The following SLC36A1 variants were observed in gnomAD, a reference collection of about 807,000 sequenced individuals.
The protein encoded by SLC36A1 is proton-coupled amino acid transporter 1.
A neutral mutation model predicts 47.5 loss-of-function variants in SLC36A1; 30 were observed. The observed-to-expected ratio is 0.63, with a 90% CI of 0.47 to 0.86. The LOEUF (loss-of-function observed/expected upper bound fraction) is 0.86. SLC36A1 is among the 40% of genes least tolerant of loss of function. The probability of loss-of-function intolerance (pLI) is 0.00; values close to 1 mark genes in which losing one functional copy is unlikely to be tolerated. For missense variants in SLC36A1, 517 were observed against 606.0 expected (o/e 0.85, Z 1.54); for synonymous variants, 255 against 249.7 (o/e 1.02, Z -0.20).
rs1356678898 is a variant in SLC36A1 at position 151,468,293 on chromosome 5, ATTTTAT to A, written c.723+369_723+374del. 5.3e-3 allele frequency among the ~76,000 whole-genome samples: 444 copies of A among 83,056 alleles called. 22 individuals carry two copies. The highest frequency in any genetic ancestry group is 0.011 in the African/African-American group (214 of 19,958). 54.5% of individuals were successfully genotyped at this position (83,056 alleles called of 152,430 possible). ...TATATATATATATATATATATATATATTTTATATATATATATTTACATATATGTGTA... is the reference window on the plus strand; with the variant it reads ...TATATATATATATATATATATATATAATATATATATTTACATATATGTGTA... On this transcript the variant is annotated intron_variant, in intron 7 of 10. Coordinates refer to ENST00000243389, the MANE Select transcript of SLC36A1 (RefSeq NM_078483.4).
chr5:151,429,801 C>T, the SLC36A1 span, among the ~76,000 whole-genome samples: 1 of 152,138 alleles, frequency 6.6e-6, no homozygotes, highest in Non-Finnish European at 1.5e-5. Flanking sequence ...TTTCCTACTA[C>T]AGCCAATGCT....
chr5:151,440,591 G>A (rs1289931445), intron 1 of SLC36A1, among the ~76,000 whole-genome samples: 4 of 149,622 alleles, frequency 2.7e-5, no homozygotes, highest in Admixed American at 6.6e-5. Context: ...AAAAAAAAAA[G>A]GAAGTTACAT....
the SLC36A1 span, among the ~76,000 whole-genome samples, chr5:151,430,680 T>A: frequency 6.6e-6 from 1 of 152,216 alleles, no homozygotes; most frequent in Non-Finnish European, 1.5e-5. Context: ...CTGTGTTGTT[T>A]GTTGCATGGA....
chr5:151,364,949 A>C, the SLC36A1 span, among the ~76,000 whole-genome samples: 1 of 152,112 alleles, frequency 6.6e-6, no homozygotes, highest in Non-Finnish European at 1.5e-5. Flanking sequence ...TCCTGATATC[A>C]CTGATTAAAG....
intron 1 of SLC36A1, among the ~76,000 whole-genome samples, chr5:151,448,649 A>AT (rs1211965054): frequency 1.1e-4 from 17 of 152,112 alleles, no homozygotes; most frequent in African/African-American, 1.2e-4. Context: ...CCTTTGCTTT[A>AT]TTTTTTCTGT....
intron 10 of SLC36A1, among the ~76,000 whole-genome samples, chr5:151,484,260 C>T (rs1480310570): frequency 6.6e-6 from 1 of 152,172 alleles, no homozygotes; most frequent in Non-Finnish European, 1.5e-5. Flanking sequence ...GCCAGGGACT[C>T]ATTTTCTCTG....
At chr5:151,521,344 G>C in the SLC36A1 span, 4 of 1,614,190 alleles carry the variant, frequency 2.5e-6, no homozygotes, top group Non-Finnish European at 3.4e-6. Context: ...GGTGCTGTAC[G>C]TGGGCCCAAC....
the SLC36A1 span, among the ~76,000 whole-genome samples, chr5:151,364,236 T>G: frequency 2.6e-5 from 4 of 152,326 alleles, no homozygotes; most frequent in South Asian, 8.3e-4. Flanking sequence ...AATTTTTTAA[T>G]GTTTCTAGGC....
the SLC36A1 span, chr5:151,528,229 C>A: frequency 6.8e-7 from 1 of 1,468,952 alleles, no homozygotes; most frequent in Admixed American, 1.9e-5. Flanking sequence ...CAGTGACTGC[C>A]TTTGGGCTAG....
At chr5:151,533,437 C>CAG in the SLC36A1 span, among the ~76,000 whole-genome samples, 29 of 150,616 alleles carry the variant, frequency 1.9e-4, no homozygotes, top group African/African-American at 6.7e-4. Context: ...CACACACACA[C>CAG]GCTTTCCAGG....
the SLC36A1 span, among the ~76,000 whole-genome samples, chr5:151,356,174 A>G: frequency 6.6e-6 from 1 of 151,682 alleles, no homozygotes; most frequent in South Asian, 2.1e-4. Context: ...CCCCATCTCC[A>G]CTAAAAATAC....
At chr5:151,461,541 T>C (rs1396125808) in intron 2 of SLC36A1, among the ~76,000 whole-genome samples, 1 of 152,182 alleles carries the variant, frequency 6.6e-6, no homozygotes, top group Admixed American at 6.5e-5. Flanking sequence ...GCACACTTTG[T>C]GGGCTTCCCA....
the SLC36A1 span, among the ~76,000 whole-genome samples, chr5:151,378,882 G>T: frequency 3.9e-5 from 6 of 152,246 alleles, no homozygotes; most frequent in Non-Finnish European, 5.9e-5. Flanking sequence ...GAAGGGGAGG[G>T]CCATGCTGCA....
intron 2 of SLC36A1, among the ~76,000 whole-genome samples, chr5:151,461,762 T>C (rs965225100): frequency 6.6e-6 from 1 of 152,310 alleles, no homozygotes; most frequent in South Asian, 2.1e-4. Context: ...AAAAAGCCCT[T>C]TGCACTTAAT....
chr5:151,507,315 G>A, the SLC36A1 span: 11 of 1,614,064 alleles, frequency 6.8e-6, no homozygotes, highest in Admixed American at 1.8e-4. Context: ...GGCCTTGCTG[G>A]GTTCCGGTTG....
the SLC36A1 span, among the ~76,000 whole-genome samples, chr5:151,499,231 A>C: frequency 6.6e-6 from 1 of 152,192 alleles, no homozygotes. Context: ...ATGCCTGAGA[A>C]AGTTCCTGCT....
the SLC36A1 span, chr5:151,534,624 G>A: frequency 6.2e-7 from 1 of 1,610,922 alleles, no homozygotes; most frequent in Non-Finnish European, 8.5e-7. Context: ...GTCTAGGGCA[G>A]TGAGTGTGGT....
the SLC36A1 span, among the ~76,000 whole-genome samples, chr5:151,555,495 C>G: frequency 1.3e-5 from 2 of 151,316 alleles, no homozygotes; most frequent in Non-Finnish European, 2.9e-5. Context: ...TCAGCCTCCC[C>G]GGTAGCTGGG....
chr5:151,426,621 G>C, the SLC36A1 span, among the ~76,000 whole-genome samples: 1 of 152,168 alleles, frequency 6.6e-6, no homozygotes, highest in Non-Finnish European at 1.5e-5. Context: ...TAAACACCGA[G>C]ACATTCCATT....
Sources: allele counts gnomAD v4.1 joint callset (sites outside exome capture counted in the v4.1 genomes callset), GRCh38; gene constraint gnomAD v4.1.1; transcripts MANE v1.5; gene names NCBI Gene and HGNC (gene_info 2026-07-23, HGNC 2026-07-21).